Variants in EPHA5 observed in about 807,000 individuals in gnomAD.
The protein encoded by EPHA5 is EPH receptor A5.
A neutral mutation model predicts 105.0 loss-of-function variants in EPHA5; 60 were observed. The ratio of observed to expected loss-of-function variants is 0.57; its 90% CI spans 0.46 to 0.71. EPHA5 has a LOEUF of 0.71. Among genes scored for constraint, EPHA5 ranks in the 30% least tolerant of loss-of-function variants. The probability of loss-of-function intolerance (pLI) is 0.00; values close to 1 mark genes in which losing one functional copy is unlikely to be tolerated. For missense variants in EPHA5, 1,218 were observed against 1,274.7 expected (o/e 0.96, Z 0.68); for synonymous variants, 513 against 449.1 (o/e 1.14, Z -1.80).
intron 16 of EPHA5, among the ~76,000 whole-genome samples, chr4:65,328,704 C>G (rs1720315613): frequency 6.6e-6 from 1 of 150,804 alleles, no homozygotes. Flanking sequence ...AGACATTGTA[C>G]AGGATAAATG....
intron 16 of EPHA5, chr4:65,331,199 G>A: frequency 1.9e-6 from 2 of 1,027,172 alleles, no homozygotes; most frequent in Non-Finnish European, 2.4e-6. Context: ...AAACATTAAT[G>A]TTAATGTAAT....
chr4:65,525,380 T>A (rs1735132929), intron 3 of EPHA5, among the ~76,000 whole-genome samples: 1 of 151,846 alleles, frequency 6.6e-6, no homozygotes, highest in Non-Finnish European at 1.5e-5. Context: ...AAGACAGATT[T>A]AAATTTTATC....
chr4:65,541,989 C>A (rs574117420), intron 3 of EPHA5, among the ~76,000 whole-genome samples: 1 of 151,918 alleles, frequency 6.6e-6, no homozygotes, highest in South Asian at 2.1e-4. Flanking sequence ...TCCTAAATGA[C>A]TCCTGGGTAA....
chr4:65,486,858 C>T (rs1157583000), intron 5 of EPHA5, among the ~76,000 whole-genome samples: 2 of 152,122 alleles, frequency 1.3e-5, no homozygotes, highest in African/African-American at 4.8e-5. Context: ...ATTGTAATTC[C>T]CAATGTTGGA....
rs1717735669 is a variant in EPHA5, at chr4:65,365,084, A to G, written c.2106T>C (p.Gly702=). 2 of 1,611,744 alleles carry G rather than the reference A, an allele frequency of 1.2e-6. No individual in the cohort carries two copies. The highest frequency in any genetic ancestry group is 2.2e-5 in the South Asian group (2 of 91,030). Reference sequence around the variant, plus strand: ...CAAACTGTCCCATGATACTTGCTTCACCTAGGAAATCTCTGCGTTGCTTTT... The same window carrying G: ...CAAACTGTCCCATGATACTTGCTTCGCCTAGGAAATCTCTGCGTTGCTTTT... ...YTEKQRRDFL[G]EASIMGQFDH... Residue 702 remains glycine, a synonymous_variant, in exon 11 of 17, where the codon GGT becomes GGC. Transcript: ENST00000613740.
intron 16 of EPHA5, among the ~76,000 whole-genome samples, chr4:65,325,951 T>C (rs1720032232): frequency 1.3e-5 from 2 of 150,406 alleles, no homozygotes; most frequent in Admixed American, 6.7e-5. Context: ...TAAATTGTCA[T>C]TGTCAATTTC....
At chr4:65,338,585 G>A (rs777617804) in intron 14 of EPHA5, among the ~76,000 whole-genome samples, 2 of 151,190 alleles carry the variant, frequency 1.3e-5, no homozygotes, top group Non-Finnish European at 1.5e-5. Context: ...TTTCTTATTC[G>A]GTCTTATTTT....
rs1190458344 is a variant in EPHA5, at chr4:65,323,111, G to T, written c.*1003C>A. The T allele has an allele frequency of 1.3e-5, 3 of 228,544 alleles. No homozygotes were observed. The highest frequency in any genetic ancestry group is 2.6e-5 in the Non-Finnish European group (3 of 115,080). The allele number at this position is 228,544 out of a possible 1,614,324, so 14.2% of individuals were successfully genotyped here. A position where few individuals can be genotyped will look rare whatever the true frequency, so the allele number is the denominator to read the frequency against. ...TTTCTTACAGGGGTACAAGATTAATGGCTAGAAGAACTGCATTGTCACTGA... is the reference window on the plus strand; with the variant it reads ...TTTCTTACAGGGGTACAAGATTAATTGCTAGAAGAACTGCATTGTCACTGA... On this transcript the variant is annotated 3_prime_UTR_variant, in exon 17 of 17. Transcript: ENST00000613740.
At chr4:65,480,441 C>T (rs1017175269) in intron 5 of EPHA5, among the ~76,000 whole-genome samples, 1 of 152,236 alleles carries the variant, frequency 6.6e-6, no homozygotes, top group African/African-American at 2.4e-5. Flanking sequence ...ACCAAACCAA[C>T]GGGCCCAGGC....
chr4:65,522,999 A>C (rs1201624908), intron 3 of EPHA5, among the ~76,000 whole-genome samples: 1 of 151,976 alleles, frequency 6.6e-6, no homozygotes, highest in African/African-American at 2.4e-5. Flanking sequence ...GGTACAAAGA[A>C]AAATCATCGT....
chr4:65,534,897 A>G (rs62300365), intron 3 of EPHA5, among the ~76,000 whole-genome samples: 40,652 of 152,158 alleles, frequency 0.27, 5,773 homozygotes, highest in Middle Eastern at 0.38. Context: ...TTATTTTTGT[A>G]AAAGAAAGTT....
intron 7 of EPHA5, among the ~76,000 whole-genome samples, chr4:65,410,329 G>A (rs535454879): frequency 6.6e-6 from 1 of 152,318 alleles, no homozygotes; most frequent in Admixed American, 6.5e-5. Flanking sequence ...GGCACGTACT[G>A]CATGTTTCTA....
At position 65,357,052 on chromosome 4, in the gene EPHA5, A is replaced by T. The variant is rs1044613549; in HGVS notation, c.2174-3949T>A. The stretch of plus-strand genomic sequence containing the variant: ...CAGGGGAGAGTTTTTATATTACTTT[A>T]TATTATTTACTGAAGGCCCAGCCCA... On this transcript the variant is annotated intron_variant, in intron 11 of 16. Transcript: ENST00000613740. Among the ~76,000 whole-genome samples, 17 of 151,600 alleles carry T rather than the reference A, an allele frequency of 1.1e-4. 1 individual carries two copies. The highest frequency in any genetic ancestry group is 4.1e-4 in the African/African-American group (17 of 41,470).
Position 65,323,584 on chromosome 4 carries a change from T to G in EPHA5, c.*530A>C, listed in dbSNP as rs563159031. 1 of 230,318 alleles carries G rather than the reference T, an allele frequency of 4.3e-6. No individual in the cohort carries two copies. The highest frequency in any genetic ancestry group is 6.1e-5 in the East Asian group (1 of 16,296). 14.3% of individuals were successfully genotyped at this position (230,318 alleles called of 1,614,324 possible). On this transcript the variant is annotated 3_prime_UTR_variant, in exon 17 of 17. Coordinates refer to ENST00000613740, the MANE Select transcript of EPHA5 (RefSeq NM_001281766.3). ...CACTAGTTTCTATAACTTAACGCTG[T>G]GTAACAGCATTTTAAAATTACAAAA...
rs149469471 is a variant in EPHA5, at chr4:65,626,997, C to T, written c.246+16366G>A. Among the ~76,000 whole-genome samples, 124 of 152,224 alleles carry T rather than the reference C, an allele frequency of 8.1e-4. No homozygotes were observed. In the East Asian group the frequency reaches 0.017, roughly 21 times the overall value. On this transcript the variant is annotated intron_variant, in intron 2 of 16. Transcript: ENST00000613740. ...TCTGTGATATGAATGTGGAACATGC[C>T]TGATCTGGCCATCCAACATACCCAA...
intron 3 of EPHA5, among the ~76,000 whole-genome samples, chr4:65,595,252 T>C (rs1177394227): frequency 1.3e-5 from 2 of 152,136 alleles, no homozygotes; most frequent in East Asian, 3.9e-4. Context: ...TGTGAGTCTA[T>C]ATGCATGTTT....
intron 14 of EPHA5, among the ~76,000 whole-genome samples, chr4:65,338,454 T>C (rs1009141507): frequency 1.3e-5 from 2 of 152,124 alleles, no homozygotes; most frequent in East Asian, 3.9e-4. Flanking sequence ...ATTAATTCGA[T>C]TTTTTTCTTT....
chr4:65,668,894 T>C (rs1489956933), intron 1 of EPHA5, among the ~76,000 whole-genome samples: 2 of 151,876 alleles, frequency 1.3e-5, no homozygotes, highest in African/African-American at 4.8e-5. Context: ...TTCTTCCACC[T>C]TGGCTTGAGT....
chr4:65,590,200 A>T (rs1379370052), intron 3 of EPHA5, among the ~76,000 whole-genome samples: 1 of 152,152 alleles, frequency 6.6e-6, no homozygotes, highest in Non-Finnish European at 1.5e-5. Flanking sequence ...TTTCTTTTAT[A>T]AACTACACCT....
Sources: gnomAD v4.1 joint callset for allele counts (sites outside exome capture counted in the v4.1 genomes callset) on GRCh38, gnomAD v4.1.1 for gene constraint, MANE v1.5 for transcripts, NCBI Gene and HGNC (gene_info 2026-07-23, HGNC 2026-07-21) for gene names.